Variants in DHX40 observed in about 807,000 individuals in gnomAD.
DHX40 encodes the protein DEAH-box helicase 40.
Under a neutral mutation model 89.6 loss-of-function variants are expected in DHX40, and 28 were observed. The ratio of observed to expected loss-of-function variants is 0.31; its 90% CI spans 0.23 to 0.43. The LOEUF (loss-of-function observed/expected upper bound fraction) is 0.43, where lower values mean the gene tolerates loss of function less well. Among genes scored for constraint, DHX40 ranks in the 20% least tolerant of loss-of-function variants. DHX40 has a pLI of 1.00. For synonymous variants in DHX40, 226 were observed against 283.6 expected (o/e 0.80, Z 2.04); for missense variants, 457 against 844.0 (o/e 0.54, Z 5.68).
chr17:59,600,499 A>G (rs912919169), intron 14 of DHX40, among the ~76,000 whole-genome samples: 14 of 150,950 alleles, frequency 9.3e-5, no homozygotes, highest in African/African-American at 3.4e-4. Context: ...TTTACTCCTC[A>G]TGATTATTAG....
At position 59,569,099 on chromosome 17, in the gene DHX40, C is replaced by T. The variant is rs559178168; in HGVS notation, c.281-1419C>T. 2.6e-3 allele frequency among the ~76,000 whole-genome samples: 397 copies of T among 152,158 alleles called. 1 individual carries two copies. The highest frequency in any genetic ancestry group is 8.5e-3 in the African/African-American group (354 of 41,508). ...ATCCCAGCACATTGGGAGGCTGAGG[C>T]AGATGGATCACTTGAGGTCAGAAGT... On this transcript the variant is annotated intron_variant, in intron 2 of 17. Transcript: ENST00000251241.
intron 3 of DHX40, 101 bp downstream of exon 3, chr17:59,570,764 G>A (rs1188040491): frequency 4.0e-6 from 5 of 1,261,502 alleles, no homozygotes; most frequent in Non-Finnish European, 5.3e-6. Context: ...GCTCTCTGTA[G>A]CCTCTACCTT....
intron 10 of DHX40, among the ~76,000 whole-genome samples, chr17:59,582,252 G>A (rs2048955238): frequency 8.2e-6 from 1 of 122,418 alleles, no homozygotes; most frequent in South Asian, 3.1e-4. Context: ...AAGCCATAGT[G>A]TACTAAAAAT....
intron 7 of DHX40, among the ~76,000 whole-genome samples, chr17:59,576,736 A>G (rs1427506013): frequency 6.6e-6 from 1 of 152,168 alleles, no homozygotes; most frequent in East Asian, 1.9e-4. Flanking sequence ...ATAAAAACCC[A>G]TTATGTTTGG....
At chr17:59,597,798 G>A (rs962846810) in intron 12 of DHX40, among the ~76,000 whole-genome samples, 19 of 151,396 alleles carry the variant, frequency 1.3e-4, no homozygotes, top group African/African-American at 4.4e-4. Context: ...AGCCGGGCGC[G>A]GTGGCGGGCG....
intron 16 of DHX40, 36 bp from the exon 17 acceptor site, chr17:59,605,410 T>C (rs778808543): frequency 5.0e-6 from 8 of 1,584,234 alleles, no homozygotes; most frequent in African/African-American, 2.7e-5. Context: ...GGGCAGGTTA[T>C]TGAGTTACCA....
At chr17:59,597,947 A>C (rs996931954) in intron 12 of DHX40, among the ~76,000 whole-genome samples, 8 of 151,676 alleles carry the variant, frequency 5.3e-5, no homozygotes, top group Non-Finnish European at 7.4e-5. Flanking sequence ...AAAAAAAAAA[A>C]AAAAAACCTC....
At chr17:59,570,489 TTG>T in intron 2 of DHX40, 27 bp from the exon 3 acceptor site, 1 of 1,573,536 alleles carries the variant, frequency 6.4e-7, no homozygotes, top group Non-Finnish European at 8.6e-7. Flanking sequence ...GCTAACATTG[TTG>T]TGTTTCTTTA....
At chr17:59,587,187 T>A (rs902932379) in intron 11 of DHX40, among the ~76,000 whole-genome samples, 1 of 149,436 alleles carries the variant, frequency 6.7e-6, no homozygotes, top group African/African-American at 2.5e-5. Context: ...ATTGAAAAAA[T>A]AAAATTATTA....
Position 59,566,810 on chromosome 17 carries a change from T to C in DHX40, c.280+16T>C, listed in dbSNP as rs374030028. ...TATGAAGCAGGTGATTTTTTTCTGTTGTAATAATTGGAAATATTTTAAAAA... is the reference window on the plus strand; with the variant it reads ...TATGAAGCAGGTGATTTTTTTCTGTCGTAATAATTGGAAATATTTTAAAAA... On this transcript the variant is annotated intron_variant, in intron 2 of 17. Coordinates refer to ENST00000251241, the MANE Select transcript of DHX40 (RefSeq NM_024612.5). The C allele has an allele frequency of 3.8e-5, 59 of 1,554,738 alleles. No homozygotes were observed. The highest frequency in any genetic ancestry group is 8.6e-5 in the South Asian group (7 of 81,370).
At chr17:59,605,792 T>A (rs1272645818) in intron 17 of DHX40, 118 bp downstream of exon 17, 1 of 959,868 alleles carries the variant, frequency 1.0e-6, no homozygotes, top group Non-Finnish European at 1.6e-6. Flanking sequence ...TGAGATCCCA[T>A]CTCTAGCAAA....
chr17:59,605,941 G>T lies in DHX40; in HGVS notation c.2200+267G>T, dbSNP rs528791357. The T allele has an allele frequency of 8.3e-5, 40 of 483,030 alleles. No individual in the cohort carries two copies. The highest frequency in any genetic ancestry group is 1.4e-4 in the Non-Finnish European group (37 of 264,938). 29.9% of individuals were successfully genotyped at this position (483,030 alleles called of 1,614,324 possible). On this transcript the variant is annotated intron_variant, in intron 17 of 17. Coordinates refer to ENST00000251241, the MANE Select transcript of DHX40 (RefSeq NM_024612.5). ...GATTTCACCAGTGCACTCCAGCCTG[G>T]GGGTGACAGAGTGAGACACTATCTC...
At chr17:59,600,492 ACTC>A (rs2143351494) in intron 14 of DHX40, among the ~76,000 whole-genome samples, 1 of 149,170 alleles carries the variant, frequency 6.7e-6, no homozygotes, top group Admixed American at 6.6e-5. Flanking sequence ...GGCATCTTTT[ACTC>A]CTCATGATTA....
chr17:59,583,573 T>C (rs2048964309), intron 10 of DHX40, among the ~76,000 whole-genome samples: 1 of 141,142 alleles, frequency 7.1e-6, no homozygotes, highest in African/African-American at 2.4e-5. Context: ...CTTATACGTA[T>C]GGCTCTGTTT....
Position 59,565,650 on chromosome 17 carries a change from G to A in DHX40, c.-22G>A, listed in dbSNP as rs539586927. The A allele has an allele frequency of 5.3e-5, 84 of 1,589,718 alleles. No homozygotes were observed. Among genetic ancestry groups the A allele is most frequent in the Non-Finnish European group, 6.7e-5 (79 of 1,173,282 alleles). On this transcript the variant is annotated 5_prime_UTR_variant, in exon 1 of 18. Transcript: ENST00000251241. ...TCTCCTCAGATCGGTGGACGTGCTC[G>A]CCTCCACTCGGGGCCAGGTCTATGT...
At chr17:59,603,395 T>A (rs1159236570) in intron 15 of DHX40, 1 of 152,280 alleles carries the variant, frequency 6.6e-6, no homozygotes, top group East Asian at 1.9e-4. Flanking sequence ...GACATCCATC[T>A]GCCACTTAAA....
chr17:59,568,768 T>C (rs1253910886), intron 2 of DHX40, among the ~76,000 whole-genome samples: 1 of 151,802 alleles, frequency 6.6e-6, no homozygotes, highest in Non-Finnish European at 1.5e-5. Context: ...TTAGTAAGAA[T>C]GGAAATGCGC....
At chr17:59,583,590 T>A (rs183378595) in intron 10 of DHX40, among the ~76,000 whole-genome samples, 7,399 of 140,702 alleles carry the variant, frequency 0.053, 67 homozygotes, top group African/African-American at 0.16. Flanking sequence ...GTTTAAAAAA[T>A]TTTTTTTAGG....
At chr17:59,565,996 T>C (rs1791662852) in intron 1 of DHX40, among the ~76,000 whole-genome samples, 1 of 151,746 alleles carries the variant, frequency 6.6e-6, no homozygotes, top group Non-Finnish European at 1.5e-5. Context: ...AAAACCTTAC[T>C]GGGGGGCGAA....
Sources: allele counts gnomAD v4.1 joint callset (sites outside exome capture counted in the v4.1 genomes callset), GRCh38; gene constraint gnomAD v4.1.1; transcripts MANE v1.5; gene names NCBI Gene and HGNC (gene_info 2026-07-23, HGNC 2026-07-21).